ABCB1: variants seen among roughly 807,000 people sequenced by gnomAD.
The protein encoded by ABCB1 is ATP binding cassette subfamily B member 1.
Under a neutral mutation model 142.0 loss-of-function variants are expected in ABCB1, and 69 were observed. That is an observed-to-expected ratio of 0.49 (90% CI 0.40 to 0.59). The LOEUF (loss-of-function observed/expected upper bound fraction) is 0.59, where lower values mean the gene tolerates loss of function less well. ABCB1 is among the 20% of genes least tolerant of loss of function. ABCB1 has a pLI of 0.00. For synonymous variants in ABCB1, 532 were observed against 539.2 expected (o/e 0.99, Z 0.18); for missense variants, 1,326 against 1,554.7 (o/e 0.85, Z 2.47).
At chr7:87,656,015 A>G (rs989451694) in intron 1 of ABCB1, among the ~76,000 whole-genome samples, 3 of 152,152 alleles carry the variant, frequency 2.0e-5, no homozygotes, top group Non-Finnish European at 2.9e-5. Flanking sequence ...GACCCTCACT[A>G]GACCCCAAAT....
At chr7:87,542,664 T>A (rs1325992333) in intron 17 of ABCB1, among the ~76,000 whole-genome samples, 16 of 152,124 alleles carry the variant, frequency 1.1e-4, no homozygotes, top group Admixed American at 2.0e-4. Flanking sequence ...TTTCCTTTTT[T>A]TTTTTTTCTC....
At chr7:87,589,744 CA>C in intron 3 of ABCB1, among the ~76,000 whole-genome samples, 1 of 149,548 alleles carries the variant, frequency 6.7e-6, no homozygotes, top group Admixed American at 6.7e-5. Context: ...GTGATCATGC[CA>C]CTGTACTCCA....
intron 20 of ABCB1, among the ~76,000 whole-genome samples, chr7:87,532,930 G>C (rs1346408022): frequency 6.6e-6 from 1 of 151,966 alleles, no homozygotes; most frequent in Admixed American, 6.6e-5. Flanking sequence ...TTTAACACCT[G>C]TCTGATATAA....
At chr7:87,703,157 T>C (rs1338305233) in intron 1 of ABCB1, among the ~76,000 whole-genome samples, 1 of 152,224 alleles carries the variant, frequency 6.6e-6, no homozygotes, top group Non-Finnish European at 1.5e-5. Context: ...TATAGAATTA[T>C]AAATTATGTG....
intron 1 of ABCB1, among the ~76,000 whole-genome samples, chr7:87,609,351 C>G (rs1819768025): frequency 6.6e-6 from 1 of 152,102 alleles, no homozygotes; most frequent in African/African-American, 2.4e-5. Flanking sequence ...ATTTCATGCT[C>G]TAGTTTTTCT....
At chr7:87,560,715 T>C (rs937609031) in intron 8 of ABCB1, among the ~76,000 whole-genome samples, 2 of 152,248 alleles carry the variant, frequency 1.3e-5, no homozygotes, top group African/African-American at 2.4e-5. Context: ...ATCTGATTTA[T>C]ATTCTAAATT....
chr7:87,662,832 C>T (rs1027192855), intron 1 of ABCB1, among the ~76,000 whole-genome samples: 5 of 151,964 alleles, frequency 3.3e-5, no homozygotes, highest in African/African-American at 1.2e-4. Flanking sequence ...AATATGTATA[C>T]TGCTTTGAGT....
intron 1 of ABCB1, among the ~76,000 whole-genome samples, chr7:87,707,401 C>T (rs74754276): frequency 0.048 from 7,344 of 151,938 alleles, 261 homozygotes; most frequent in East Asian, 0.092. Context: ...ATTCAAAGGC[C>T]GGGTGTGATG....
rs2129706541 is a variant in ABCB1 at position 87,550,050 on chromosome 7, C to G, written c.1355G>C (p.Ser452Thr). 1 of 1,614,200 alleles carries G rather than the reference C, an allele frequency of 6.2e-7. No homozygotes were observed. The highest frequency in any genetic ancestry group is 1.3e-5 in the African/African-American group (1 of 75,062). The change falls in exon 13 of 28, where the codon AGT becomes ACT. Residue 452 changes from serine to threonine, a missense_variant. By Grantham distance (58) the Ser-to-Thr change is moderately conservative (BLOSUM62 1). Transcript: ENST00000622132. ...GGTCCTAATATCCTGTCCATCAACA[C>G]TGACCTGGAATAAAAAGTAAGTGTG... ...RLYDPTEGMV[S>T]VDGQDIRTIN...
intron 3 of ABCB1, among the ~76,000 whole-genome samples, chr7:87,589,192 GA>G (rs1204579458): frequency 9.9e-5 from 15 of 152,064 alleles, no homozygotes; most frequent in African/African-American, 2.7e-4. Context: ...GACTTTAGGG[GA>G]AAAAAATCTT....
intron 4 of ABCB1, among the ~76,000 whole-genome samples, chr7:87,581,104 T>C (rs1209437393): frequency 2.0e-5 from 3 of 152,004 alleles, no homozygotes; most frequent in Non-Finnish European, 4.4e-5. Context: ...ACCTCCTCCT[T>C]ACATTTTATC....
intron 1 of ABCB1, among the ~76,000 whole-genome samples, chr7:87,669,765 G>T (rs938606081): frequency 6.6e-6 from 1 of 152,128 alleles, no homozygotes; most frequent in African/African-American, 2.4e-5. Context: ...CTTGGTTGAA[G>T]ATTTTTTTCT....
intron 19 of ABCB1, among the ~76,000 whole-genome samples, chr7:87,537,441 G>A (rs1816348210): frequency 6.6e-6 from 1 of 152,194 alleles, no homozygotes; most frequent in Non-Finnish European, 1.5e-5. Flanking sequence ...AATGGAGGTA[G>A]GGAGATCAGT....
At chr7:87,597,526 TG>T (rs1819254928) in intron 2 of ABCB1, among the ~76,000 whole-genome samples, 1 of 152,102 alleles carries the variant, frequency 6.6e-6, no homozygotes, top group Non-Finnish European at 1.5e-5. Context: ...AATAGAAATA[TG>T]TGAAAGATCA....
intron 1 of ABCB1, among the ~76,000 whole-genome samples, chr7:87,660,996 C>A (rs1262893629): frequency 6.6e-6 from 1 of 151,962 alleles, no homozygotes; most frequent in East Asian, 1.9e-4. Flanking sequence ...AATGTCCCAT[C>A]TTGAGAAGAA....
intron 21 of ABCB1, among the ~76,000 whole-genome samples, chr7:87,530,720 C>G (rs912992852): frequency 6.6e-6 from 1 of 151,344 alleles, no homozygotes; most frequent in African/African-American, 2.4e-5. Context: ...TTAATCTCCC[C>G]CCTCACATGT....
At chr7:87,585,899 T>C (rs1818731130) in intron 3 of ABCB1, among the ~76,000 whole-genome samples, 1 of 152,232 alleles carries the variant, frequency 6.6e-6, no homozygotes, top group African/African-American at 2.4e-5. Flanking sequence ...ATTCTTCATA[T>C]TGGACTTGGT....
intron 1 of ABCB1, among the ~76,000 whole-genome samples, chr7:87,662,584 C>T (rs959706443): frequency 2.6e-5 from 4 of 151,892 alleles, no homozygotes; most frequent in African/African-American, 9.7e-5. Flanking sequence ...TTTATGTCTG[C>T]ATTCTCTATT....
intron 25 of ABCB1, among the ~76,000 whole-genome samples, chr7:87,513,445 C>CTGTAT (rs1223534227): frequency 6.6e-6 from 1 of 152,016 alleles, no homozygotes; most frequent in Non-Finnish European, 1.5e-5. Context: ...CATTATTGTG[C>CTGTAT]TGTATTGTAT....
Sources: gnomAD v4.1 joint callset for allele counts (sites outside exome capture counted in the v4.1 genomes callset) on GRCh38, gnomAD v4.1.1 for gene constraint, MANE v1.5 for transcripts, NCBI Gene and HGNC (gene_info 2026-07-23, HGNC 2026-07-21) for gene names.